Variants in GALNTL6 observed in about 807,000 individuals in gnomAD.
The protein encoded by GALNTL6 is polypeptide N-acetylgalactosaminyltransferase like 6.
A neutral mutation model predicts 73.7 loss-of-function variants in GALNTL6; 46 were observed. The observed-to-expected ratio is 0.62, with a 90% CI of 0.49 to 0.80. The LOEUF (loss-of-function observed/expected upper bound fraction) is 0.80, where lower values mean the gene tolerates loss of function less well. Ranked by LOEUF, GALNTL6 falls within the 30% of genes least tolerant of loss-of-function variation. The pLI is 0.00. For missense variants in GALNTL6, 604 were observed against 755.0 expected (o/e 0.80, Z 2.34); for synonymous variants, 259 against 263.7 (o/e 0.98, Z 0.17).
rs115959475 is a variant in GALNTL6 at position 172,213,817 on chromosome 4, A to G, written c.139-15839A>G. On this transcript the variant is annotated intron_variant, in intron 2 of 12. Coordinates refer to ENST00000506823, the MANE Select transcript of GALNTL6 (RefSeq NM_001034845.3). ...AATTTAAATAAAGACTTACATAGCA[A>G]TATTTTCTTTTATGGACTGCGCTTT... Among the ~76,000 whole-genome samples, 655 of 152,308 alleles carry G rather than the reference A, an allele frequency of 4.3e-3. 7 individuals carry two copies. Among genetic ancestry groups the G allele is most frequent in the African/African-American group, 0.015 (627 of 41,574 alleles).
intron 2 of GALNTL6, among the ~76,000 whole-genome samples, chr4:172,219,282 T>A (rs531737232): frequency 0.012 from 1,797 of 148,108 alleles, 40 homozygotes; most frequent in African/African-American, 0.042. Flanking sequence ...AGTAATTTTT[T>A]AAAAAAATTA....
chr4:171,861,629 C>A (rs1735833100), intron 2 of GALNTL6, among the ~76,000 whole-genome samples: 1 of 152,050 alleles, frequency 6.6e-6, no homozygotes. Context: ...TTGTTCCCAG[C>A]CACTCCCACT....
chr4:172,493,877 C>T lies in GALNTL6; in HGVS notation c.553+145188C>T, dbSNP rs338004. On this transcript the variant is annotated intron_variant, in intron 5 of 12. Transcript: ENST00000506823. ...GAGTAAAGCCTTGTTTCCTCATACC[C>T]TCCCCTTCCAAGCTCAATCCTCTTG... Among the ~76,000 whole-genome samples, 397 of 152,180 alleles carry T rather than the reference C, an allele frequency of 2.6e-3. 3 individuals carry two copies. Among genetic ancestry groups the T allele is most frequent in the African/African-American group, 8.6e-3 (359 of 41,524 alleles).
intron 5 of GALNTL6, among the ~76,000 whole-genome samples, chr4:172,387,503 G>A (rs1743514858): frequency 6.6e-6 from 1 of 152,088 alleles, no homozygotes; most frequent in Admixed American, 6.6e-5. Flanking sequence ...GAAGTCAACT[G>A]TTAATCTTAT....
chr4:172,766,794 C>G (rs1738429742), intron 5 of GALNTL6, among the ~76,000 whole-genome samples: 1 of 152,066 alleles, frequency 6.6e-6, no homozygotes, highest in Non-Finnish European at 1.5e-5. Context: ...CTCACAGACC[C>G]CAGTAGGAAG....
At chr4:172,188,282 T>C (rs1036228862) in intron 2 of GALNTL6, among the ~76,000 whole-genome samples, 1 of 152,208 alleles carries the variant, frequency 6.6e-6, no homozygotes, top group Admixed American at 6.5e-5. Context: ...AGTTCCCTAA[T>C]GTTGTCCAAA....
intron 2 of GALNTL6, among the ~76,000 whole-genome samples, chr4:171,902,334 C>T (rs1737123377): frequency 6.6e-6 from 1 of 152,164 alleles, no homozygotes. Context: ...ATTCAGGTGT[C>T]TGCAAATTTG....
At chr4:172,586,426 A>C (rs1184879501) in intron 5 of GALNTL6, among the ~76,000 whole-genome samples, 1 of 151,240 alleles carries the variant, frequency 6.6e-6, no homozygotes, top group Non-Finnish European at 1.5e-5. Flanking sequence ...ACAGTTTATG[A>C]TTTATTGCCA....
chr4:171,858,371 T>C (rs1465581647), intron 2 of GALNTL6, among the ~76,000 whole-genome samples: 1 of 152,092 alleles, frequency 6.6e-6, no homozygotes, highest in African/African-American at 2.4e-5. Flanking sequence ...AACAGATTAA[T>C]TTTTTTGAAG....
At chr4:172,394,336 T>G (rs973178603) in intron 5 of GALNTL6, among the ~76,000 whole-genome samples, 6 of 152,146 alleles carry the variant, frequency 3.9e-5, no homozygotes, top group African/African-American at 1.2e-4. Context: ...GCCATGGAGT[T>G]TCTTTGATGT....
At chr4:172,784,357 T>C (rs1050195018) in intron 5 of GALNTL6, among the ~76,000 whole-genome samples, 6 of 152,140 alleles carry the variant, frequency 3.9e-5, no homozygotes, top group East Asian at 1.9e-4. Context: ...TAATAATTGA[T>C]ATGCGCAGAA....
chr4:172,674,207 C>A (rs1157769057), intron 5 of GALNTL6, among the ~76,000 whole-genome samples: 1 of 152,068 alleles, frequency 6.6e-6, no homozygotes, highest in Non-Finnish European at 1.5e-5. Context: ...GGATCTATTT[C>A]TCCTTTGCTT....
intron 2 of GALNTL6, among the ~76,000 whole-genome samples, chr4:172,055,101 G>A (rs1730984043): frequency 1.3e-5 from 2 of 152,110 alleles, no homozygotes; most frequent in Admixed American, 6.6e-5. Context: ...TTTGCTGAAT[G>A]AGGGGCTTAT....
At chr4:172,398,805 T>G (rs1303829528) in intron 5 of GALNTL6, among the ~76,000 whole-genome samples, 1 of 152,166 alleles carries the variant, frequency 6.6e-6, no homozygotes, top group East Asian at 1.9e-4. Flanking sequence ...TGGGCTTGGT[T>G]TGATAAGTAT....
chr4:172,034,062 G>A, intron 2 of GALNTL6, among the ~76,000 whole-genome samples: 1 of 152,072 alleles, frequency 6.6e-6, no homozygotes, highest in Admixed American at 6.6e-5. Flanking sequence ...CTAGTGAGTT[G>A]TCGGGGCCCA....
chr4:171,956,228 C>T (rs970082523), intron 2 of GALNTL6, among the ~76,000 whole-genome samples: 14 of 152,118 alleles, frequency 9.2e-5, no homozygotes, highest in South Asian at 2.1e-4. Flanking sequence ...TTGTCTTGAA[C>T]GGCGAGGCTA....
chr4:172,393,497 A>G (rs1185973540), intron 5 of GALNTL6, among the ~76,000 whole-genome samples: 2 of 152,204 alleles, frequency 1.3e-5, no homozygotes, highest in Admixed American at 6.5e-5. Context: ...TTTCATTTTC[A>G]GGAAACATCA....
intron 10 of GALNTL6, among the ~76,000 whole-genome samples, chr4:172,964,629 A>T (rs1750242334): frequency 6.6e-6 from 1 of 152,186 alleles, no homozygotes; most frequent in East Asian, 1.9e-4. Context: ...CTTCTGCTGC[A>T]GGCTGCTGTT....
At chr4:172,615,659 G>A (rs550767700) in intron 5 of GALNTL6, among the ~76,000 whole-genome samples, 209 of 151,996 alleles carry the variant, frequency 1.4e-3, no homozygotes, top group Non-Finnish European at 1.9e-3. Context: ...ACTATAAATC[G>A]AGTCTATAAC....
Sources: gnomAD v4.1 joint callset for allele counts (sites outside exome capture counted in the v4.1 genomes callset) on GRCh38, gnomAD v4.1.1 for gene constraint, MANE v1.5 for transcripts, NCBI Gene and HGNC (gene_info 2026-07-23, HGNC 2026-07-21) for gene names.